TENM3: variants seen among roughly 807,000 people sequenced by gnomAD.
TENM3 encodes teneurin-3.
In TENM3, 63 loss-of-function variants were observed where a neutral mutation model predicts 255.1. The ratio of observed to expected loss-of-function variants is 0.25; its 90% CI spans 0.20 to 0.30. The LOEUF (loss-of-function observed/expected upper bound fraction) is 0.30. TENM3 is among the 10% of genes least tolerant of loss of function. The pLI, the probability that TENM3 is intolerant of heterozygous loss-of-function variation, is 1.00. For missense variants in TENM3, 2,929 were observed against 3,461.1 expected, an observed-to-expected ratio of 0.85 and a Z score of 3.86; for synonymous variants, 1,306 against 1,322.3, an observed-to-expected ratio of 0.99 and a Z score of 0.27.
intron 3 of TENM3, among the ~76,000 whole-genome samples, chr4:182,600,013 T>A (rs890317357): frequency 6.6e-6 from 1 of 152,236 alleles, no homozygotes; most frequent in East Asian, 1.9e-4. Context: ...TTTTAACTTA[T>A]GACGTATTAG....
chr4:182,758,825 A>G (rs545905544), intron 22 of TENM3, among the ~76,000 whole-genome samples: 10 of 152,274 alleles, frequency 6.6e-5, no homozygotes, highest in African/African-American at 2.4e-4. Flanking sequence ...GCTTTCTGTG[A>G]CTTCCATGAC....
At chr4:181,465,185 A>G in the TENM3 span, among the ~76,000 whole-genome samples, 7 of 152,248 alleles carry the variant, frequency 4.6e-5, no homozygotes, top group East Asian at 7.7e-4. Context: ...TTTGAAAGAA[A>G]AAAAATTGTA....
chr4:182,571,893 A>G (rs1180991621), intron 3 of TENM3, among the ~76,000 whole-genome samples: 1 of 151,962 alleles, frequency 6.6e-6, no homozygotes, highest in African/African-American at 2.4e-5. Flanking sequence ...GAATGATAAA[A>G]CTGTTTATTG....
At chr4:182,557,818 T>C (rs774805819) in intron 3 of TENM3, among the ~76,000 whole-genome samples, 6 of 152,196 alleles carry the variant, frequency 3.9e-5, no homozygotes, top group Non-Finnish European at 8.8e-5. Context: ...GTACCCTTTA[T>C]GTGCCTCAGA....
the TENM3 span, among the ~76,000 whole-genome samples, chr4:181,709,005 G>A: frequency 9.8e-5 from 15 of 152,304 alleles, no homozygotes; most frequent in African/African-American, 3.6e-4. Flanking sequence ...AAAACAAATA[G>A]TCAATTGGAG....
intron 3 of TENM3, among the ~76,000 whole-genome samples, chr4:182,589,944 C>T (rs1029231385): frequency 1.4e-4 from 21 of 152,184 alleles, no homozygotes; most frequent in African/African-American, 1.9e-4. Flanking sequence ...CACCGCTGCA[C>T]GCCAGCCTGG....
At chr4:182,214,664 C>T (rs935363434) in intron 1 of TENM3, among the ~76,000 whole-genome samples, 1 of 151,892 alleles carries the variant, frequency 6.6e-6, no homozygotes, top group Non-Finnish European at 1.5e-5. Context: ...CTGCACCAGA[C>T]AATTATATTT....
chr4:181,629,727 A>G, the TENM3 span, among the ~76,000 whole-genome samples: 1 of 152,096 alleles, frequency 6.6e-6, no homozygotes, highest in South Asian at 2.1e-4. Context: ...GTGCTGCTGG[A>G]TTCGGTTTGC....
chr4:182,657,338 C>G (rs555279518), intron 6 of TENM3, among the ~76,000 whole-genome samples: 1 of 152,280 alleles, frequency 6.6e-6, no homozygotes, highest in South Asian at 2.1e-4. Context: ...ACCCCTCTCT[C>G]AGCAGATGAC....
the TENM3 span, among the ~76,000 whole-genome samples, chr4:181,625,057 C>A: frequency 1.3e-5 from 2 of 152,188 alleles, no homozygotes; most frequent in Non-Finnish European, 2.9e-5. Flanking sequence ...ACTTTCCCTG[C>A]GTTTTGTTCA....
intron 13 of TENM3, among the ~76,000 whole-genome samples, chr4:182,726,368 C>A (rs980411311): frequency 2.7e-3 from 3 of 1,092 alleles, no homozygotes; most frequent in African/African-American, 7.0e-3. Flanking sequence ...GGAGGTCAAG[C>A]GCAGCTTATG....
At chr4:181,760,357 T>C in the TENM3 span, among the ~76,000 whole-genome samples, 1 of 152,174 alleles carries the variant, frequency 6.6e-6, no homozygotes, top group East Asian at 1.9e-4. Context: ...CTCTATTGTT[T>C]TTAAACTGCT....
chr4:182,650,059 T>A (rs969044238), intron 5 of TENM3, among the ~76,000 whole-genome samples: 2 of 150,344 alleles, frequency 1.3e-5, no homozygotes, highest in Non-Finnish European at 3.0e-5. Context: ...CGAAAAAAAA[T>A]AAGTCATAAT....
chr4:182,375,411 G>A (rs141712947), intron 3 of TENM3, among the ~76,000 whole-genome samples: 8 of 152,304 alleles, frequency 5.3e-5, no homozygotes, highest in African/African-American at 1.7e-4. Context: ...ATGCTGGGAG[G>A]AATTCAGAGA....
At chr4:181,484,482 G>A in the TENM3 span, among the ~76,000 whole-genome samples, 11 of 152,090 alleles carry the variant, frequency 7.2e-5, no homozygotes, top group South Asian at 4.1e-4. Flanking sequence ...TGTAATTCTA[G>A]TAATTTACAA....
chr4:182,524,264 G>A (rs1335837054), intron 3 of TENM3, among the ~76,000 whole-genome samples: 3 of 151,246 alleles, frequency 2.0e-5, no homozygotes, highest in Non-Finnish European at 4.4e-5. Context: ...TCAAATTGGT[G>A]ACATGTCAAA....
At chr4:181,492,128 A>G in the TENM3 span, among the ~76,000 whole-genome samples, 7 of 152,290 alleles carry the variant, frequency 4.6e-5, no homozygotes, top group South Asian at 1.5e-3. Flanking sequence ...GTCATCAATA[A>G]TATTCTTTGG....
Position 182,755,219 on chromosome 4 carries a change from G to A in TENM3, c.4852G>A (p.Ala1618Thr). ...FTYHGNSGLLATKSDETGWTT... is the reference protein window; with the variant it reads ...FTYHGNSGLLTTKSDETGWTT... Reference sequence around the variant, plus strand: ...TTACCATGGCAATAGTGGCCTTTTAGCCACTAAAAGTGATGAAACTGGATG... The same window carrying A: ...TTACCATGGCAATAGTGGCCTTTTAACCACTAAAAGTGATGAAACTGGATG... The change falls in exon 22 of 28, where the codon GCC (alanine) becomes ACC (threonine). Residue 1618 changes from alanine to threonine, a missense_variant. Ala to Thr is a moderately conservative substitution (Grantham distance 58). This residue lies in a region of TENM3 where 1,608 missense variants were observed against 1,884.4 expected (regional missense o/e 0.85). Transcript: ENST00000511685. 1 of 1,608,904 alleles carries A rather than the reference G, an allele frequency of 6.2e-7. No homozygotes were observed. Among genetic ancestry groups the A allele is most frequent in the Non-Finnish European group, 8.5e-7 (1 of 1,179,428 alleles).
intron 3 of TENM3, among the ~76,000 whole-genome samples, chr4:182,475,836 AAAT>A (rs146951538): frequency 0.039 from 5,958 of 152,274 alleles, 164 homozygotes; most frequent in Non-Finnish European, 0.057. Flanking sequence ...TTTATTGGAT[AAAT>A]AATAATTCAG....
Sources: allele counts gnomAD v4.1 joint callset (sites outside exome capture counted in the v4.1 genomes callset), GRCh38; gene constraint gnomAD v4.1.1; regional missense constraint gnomAD v4.1.1; transcripts MANE v1.5; gene names NCBI Gene and HGNC (gene_info 2026-07-23, HGNC 2026-07-21).